The following PHACTR1 variants were observed in gnomAD, a reference collection of about 807,000 sequenced individuals.
PHACTR1 encodes phosphatase and actin regulator 1, also known as RPEL repeat containing 1.
A neutral mutation model predicts 69.2 loss-of-function variants in PHACTR1; 16 were observed. That is an observed-to-expected ratio of 0.23 (90% CI 0.16 to 0.35). The LOEUF (loss-of-function observed/expected upper bound fraction) is 0.35. PHACTR1 is among the 10% of genes least tolerant of loss of function. The pLI is 1.00. For missense variants in PHACTR1, 510 were observed against 734.7 expected, an observed-to-expected ratio of 0.69 and a Z score of 3.54; for synonymous variants, 312 against 284.5, an observed-to-expected ratio of 1.10 and a Z score of -0.97.
intron 4 of PHACTR1, among the ~76,000 whole-genome samples, chr6:12,887,088 A>G (rs566114043): frequency 1.3e-5 from 2 of 151,564 alleles, no homozygotes; most frequent in East Asian, 3.9e-4. Context: ...AGACTTTCCC[A>G]GCCAGCCATG....
chr6:12,719,601 G>A (rs1309095093), intron 3 of PHACTR1, among the ~76,000 whole-genome samples: 1 of 152,312 alleles, frequency 6.6e-6, no homozygotes, highest in African/African-American at 2.4e-5. Flanking sequence ...AATGATACAG[G>A]TGATGCATTG....
At chr6:13,034,163 G>A (rs13220000) in intron 4 of PHACTR1, among the ~76,000 whole-genome samples, 25,019 of 151,776 alleles carry the variant, frequency 0.16, 2,557 homozygotes, top group South Asian at 0.26. Context: ...GACTACAGGC[G>A]CCCGCCACCA....
chr6:12,907,875 T>G (rs1291366056), intron 4 of PHACTR1, among the ~76,000 whole-genome samples: 1 of 152,236 alleles, frequency 6.6e-6, no homozygotes, highest in African/African-American at 2.4e-5. Context: ...TCTACCTTGT[T>G]AGAGGCTCCT....
chr6:12,983,755 T>C (rs9473156), intron 4 of PHACTR1, among the ~76,000 whole-genome samples: 71,219 of 151,884 alleles, frequency 0.47, 18,198 homozygotes, highest in African/African-American at 0.67. Flanking sequence ...GTCCAAGTGT[T>C]CTCATTGTTC....
intron 5 of PHACTR1, among the ~76,000 whole-genome samples, chr6:13,124,770 G>A (rs771228084): frequency 9.9e-5 from 15 of 152,194 alleles, no homozygotes; most frequent in South Asian, 2.1e-4. Flanking sequence ...GCAAACAGCC[G>A]CCTTCTCACT....
intron 4 of PHACTR1, among the ~76,000 whole-genome samples, chr6:12,988,834 G>T (rs962050162): frequency 1.3e-5 from 2 of 152,222 alleles, no homozygotes; most frequent in African/African-American, 4.8e-5. Flanking sequence ...CACAGTAAGA[G>T]CCTACTCATC....
intron 8 of PHACTR1, among the ~76,000 whole-genome samples, chr6:13,210,971 T>C (rs1025376850): frequency 1.5e-5 from 2 of 135,356 alleles, no homozygotes; most frequent in African/African-American, 5.5e-5. Context: ...TTCTAATAAA[T>C]AACACTGCAT....
At chr6:13,188,023 A>G (rs1032579253) in intron 7 of PHACTR1, among the ~76,000 whole-genome samples, 1 of 152,194 alleles carries the variant, frequency 6.6e-6, no homozygotes, top group African/African-American at 2.4e-5. Flanking sequence ...CATATGAGAG[A>G]CCGAAGATAT....
At chr6:13,107,666 A>G (rs962224979) in intron 5 of PHACTR1, among the ~76,000 whole-genome samples, 8 of 152,180 alleles carry the variant, frequency 5.3e-5, no homozygotes, top group Non-Finnish European at 7.4e-5. Context: ...GTTGTTCACA[A>G]TATTCCATTA....
chr6:12,804,151 A>T (rs1232576482), intron 4 of PHACTR1, among the ~76,000 whole-genome samples: 2 of 152,192 alleles, frequency 1.3e-5, no homozygotes, highest in East Asian at 3.9e-4. Flanking sequence ...ATCTGGTACC[A>T]TCTTGTGGCT....
chr6:12,958,044 A>T (rs183652253), intron 4 of PHACTR1: 303 of 981,724 alleles, frequency 3.1e-4, no homozygotes, highest in Admixed American at 7.4e-4. Context: ...TAAGGTAGGC[A>T]TTGGCGTCTG....
At chr6:13,107,802 T>C (rs1561840405) in intron 5 of PHACTR1, among the ~76,000 whole-genome samples, 1 of 152,096 alleles carries the variant, frequency 6.6e-6, no homozygotes, top group Non-Finnish European at 1.5e-5. Context: ...TCACTTTTTC[T>C]CATCTTTTCA....
At chr6:13,251,559 G>A (rs1201280703) in intron 10 of PHACTR1, among the ~76,000 whole-genome samples, 1 of 152,116 alleles carries the variant, frequency 6.6e-6, no homozygotes, top group Non-Finnish European at 1.5e-5. Flanking sequence ...TGTGTTGAGT[G>A]TATTTGATGT....
In PHACTR1 at chr6:13,201,845, T is replaced by G. The variant is rs747256746; in HGVS notation, c.665-3970T>G. Among the ~76,000 whole-genome samples the G allele has an allele frequency of 2.8e-4, 43 of 152,226 alleles. 1 individual carries two copies. Among genetic ancestry groups the G allele is most frequent in the Non-Finnish European group, 5.4e-4 (37 of 68,038 alleles). On this transcript the variant is annotated intron_variant, in intron 7 of 14. Transcript: ENST00000332995. Reference sequence around the variant, plus strand: ...CATGAGCTGCCCAGCCTCTCCTCAGTTATCCACAATTTTAGGGAAAGATAG... The same window carrying G: ...CATGAGCTGCCCAGCCTCTCCTCAGGTATCCACAATTTTAGGGAAAGATAG...
chr6:12,899,120 A>G (rs1175932320), intron 4 of PHACTR1, among the ~76,000 whole-genome samples: 1 of 151,842 alleles, frequency 6.6e-6, no homozygotes, highest in Non-Finnish European at 1.5e-5. Context: ...CCCTCACATC[A>G]CTTCTTACAT....
rs1406237685 is a variant in PHACTR1 at position 12,743,842 on chromosome 6, A to T, written c.104-5802A>T. 2.6e-5 allele frequency among the ~76,000 whole-genome samples: 4 copies of T among 152,332 alleles called. No individual in the cohort carries two copies. In the East Asian group the frequency reaches 7.7e-4, roughly 29 times the overall value. On this transcript the variant is annotated intron_variant, in intron 3 of 14. Coordinates refer to ENST00000332995, the MANE Select transcript of PHACTR1 (RefSeq NM_030948.6). ...CTACAGAACTCTCCACCCCAAATCAACAGAATATACATTCTTCTCAGCACC... is the reference window on the plus strand; with the variant it reads ...CTACAGAACTCTCCACCCCAAATCATCAGAATATACATTCTTCTCAGCACC...
chr6:13,203,187 GATC>G lies in PHACTR1; in HGVS notation c.665-2622_665-2620del, dbSNP rs1233241379. On this transcript the variant is annotated intron_variant, in intron 7 of 14. Transcript: ENST00000332995. The stretch of plus-strand genomic sequence containing the variant: ...GAAGGTGTGAATTCATCCCACAGCA[GATC>G]ATCATAACTTTGGCTCATTCTGTAA... Among the ~76,000 whole-genome samples the G allele has an allele frequency of 2.0e-5, 3 of 152,312 alleles. No individual in the cohort carries two copies. In the South Asian group the frequency reaches 6.2e-4, roughly 32 times the overall value.
In PHACTR1 at chr6:12,841,342, G is replaced by A. The variant is rs151093251; in HGVS notation, c.250+91552G>A. On this transcript the variant is annotated intron_variant, in intron 4 of 14. Transcript: ENST00000332995. ...GCAGAATCACATCATTCTACTTAAAGAGTGTGCCTCTACCATAGTTGCACT... is the reference window on the plus strand; with the variant it reads ...GCAGAATCACATCATTCTACTTAAAAAGTGTGCCTCTACCATAGTTGCACT... Among the ~76,000 whole-genome samples the A allele has an allele frequency of 4.2e-3, 645 of 152,246 alleles. 5 individuals are homozygous for A. The highest frequency in any genetic ancestry group is 0.015 in the African/African-American group (618 of 41,550).
At chr6:12,977,558 G>A (rs972940604) in intron 4 of PHACTR1, among the ~76,000 whole-genome samples, 8 of 152,168 alleles carry the variant, frequency 5.3e-5, no homozygotes, top group African/African-American at 1.9e-4. Flanking sequence ...TAAAACACTG[G>A]AATCCTCCAT....
Sources: allele counts gnomAD v4.1 joint callset (sites outside exome capture counted in the v4.1 genomes callset), GRCh38; gene constraint gnomAD v4.1.1; transcripts MANE v1.5; gene names NCBI Gene and HGNC (gene_info 2026-07-23, HGNC 2026-07-21).